Variants in DDAH1 observed in about 807,000 individuals in gnomAD.
DDAH1 encodes dimethylarginine dimethylaminohydrolase 1.
A neutral mutation model predicts 28.8 loss-of-function variants in DDAH1; 19 were observed. The ratio of observed to expected loss-of-function variants is 0.66; its 90% CI spans 0.46 to 0.97. The LOEUF (loss-of-function observed/expected upper bound fraction) is 0.97, where lower values mean the gene tolerates loss of function less well. Among genes scored for constraint, DDAH1 ranks in the 50% least tolerant of loss-of-function variants. The pLI, the probability that DDAH1 is intolerant of heterozygous loss-of-function variation, is 0.00. For missense variants in DDAH1, 326 were observed against 375.9 expected (o/e 0.87, Z 1.10); for synonymous variants, 153 against 154.4 (o/e 0.99, Z 0.07).
intron 1 of DDAH1, among the ~76,000 whole-genome samples, chr1:85,503,318 C>T (rs1473691903): frequency 1.3e-5 from 2 of 152,136 alleles, no homozygotes; most frequent in Admixed American, 6.6e-5. Flanking sequence ...GATGCTCCTG[C>T]CTCAGCTTCC....
chr1:85,393,621 A>C (rs1651667842), intron 1 of DDAH1, among the ~76,000 whole-genome samples: 1 of 152,242 alleles, frequency 6.6e-6, no homozygotes, highest in Non-Finnish European at 1.5e-5. Flanking sequence ...AAATTTTTAC[A>C]GTGAGAAAGA....
intron 1 of DDAH1, among the ~76,000 whole-genome samples, chr1:85,408,833 G>A (rs777069268): frequency 3.3e-5 from 5 of 152,198 alleles, no homozygotes; most frequent in Admixed American, 6.5e-5. Context: ...AATCCAAGTA[G>A]TAAGACGAAT....
At chr1:85,448,469 C>G (rs907395932) in intron 1 of DDAH1, among the ~76,000 whole-genome samples, 2 of 152,146 alleles carry the variant, frequency 1.3e-5, no homozygotes, top group Admixed American at 1.3e-4. Flanking sequence ...TGTACCACCC[C>G]CCTTTGTTTA....
intron 2 of DDAH1, among the ~76,000 whole-genome samples, chr1:85,354,316 A>T (rs1649376943): frequency 6.6e-6 from 1 of 152,024 alleles, no homozygotes; most frequent in African/African-American, 2.4e-5. Flanking sequence ...AGGCAGTTTC[A>T]TGTAGATGGT....
At chr1:85,524,506 T>G (rs1480107716) in intron 1 of DDAH1, among the ~76,000 whole-genome samples, 1 of 151,822 alleles carries the variant, frequency 6.6e-6, no homozygotes, top group African/African-American at 2.4e-5. Context: ...AAAATGGGAT[T>G]GTTTCTACTG....
chr1:85,336,249 C>A (rs1648111383), intron 4 of DDAH1, among the ~76,000 whole-genome samples: 1 of 151,924 alleles, frequency 6.6e-6, no homozygotes, highest in Admixed American at 6.6e-5. Flanking sequence ...ATATTAGGCC[C>A]CAAACAAGTA....
At chr1:85,511,414 G>A (rs1020328444) in intron 1 of DDAH1, among the ~76,000 whole-genome samples, 4 of 152,074 alleles carry the variant, frequency 2.6e-5, no homozygotes, top group Non-Finnish European at 4.4e-5. Flanking sequence ...ATCTAAAATC[G>A]ACATCATAAC....
intron 1 of DDAH1, among the ~76,000 whole-genome samples, chr1:85,460,344 C>T (rs957741382): frequency 6.6e-6 from 1 of 152,188 alleles, no homozygotes; most frequent in Non-Finnish European, 1.5e-5. Flanking sequence ...CCCATTCCCC[C>T]ATTTGATGCC....
chr1:85,570,395 C>CACA (rs1018150712), intron 1 of DDAH1, among the ~76,000 whole-genome samples: 1 of 150,592 alleles, frequency 6.6e-6, no homozygotes, highest in East Asian at 2.0e-4. Context: ...CACACACACA[C>CACA]ATCTCAGTGC....
intron 2 of DDAH1, among the ~76,000 whole-genome samples, chr1:85,357,026 G>C (rs1419456349): frequency 6.6e-6 from 1 of 152,212 alleles, no homozygotes; most frequent in Non-Finnish European, 1.5e-5. Context: ...ATATTGTAAG[G>C]AAGTGTGATT....
intron 1 of DDAH1, among the ~76,000 whole-genome samples, chr1:85,511,251 C>G (rs987325172): frequency 6.6e-6 from 1 of 152,158 alleles, no homozygotes; most frequent in Admixed American, 6.5e-5. Flanking sequence ...TGAATGACTA[C>G]TGGGTAAATA....
In DDAH1 at chr1:85,464,913, G is replaced by A; in HGVS notation, c.133C>T (p.Arg45Trp). 6.4e-7 allele frequency: 1 copy of A among 1,559,138 alleles called. No homozygotes were observed. Among genetic ancestry groups the A allele is most frequent in the Non-Finnish European group, 8.6e-7 (1 of 1,163,616 alleles). ...GEEVDVARAE[R>W]QHQLYVGVLG... ...ACGCCCACGTAGAGCTGGTGCTGCC[G>A]TTCCGCGCGGGCGACGTCCACCTCC... The change falls in exon 1 of 6, where the codon CGG (arginine) becomes TGG (tryptophan). Residue 45 changes from arginine to tryptophan, a missense_variant. Arg to Trp is a moderately radical substitution (Grantham distance 101). Coordinates refer to ENST00000284031, the MANE Select transcript of DDAH1 (RefSeq NM_012137.4). This position sits in a 1 kb window ranked among gnomAD's most constrained non-coding sequence, Gnocchi z 4.4.
chr1:85,435,831 C>T (rs1260951574), intron 1 of DDAH1, among the ~76,000 whole-genome samples: 7 of 152,066 alleles, frequency 4.6e-5, no homozygotes, highest in East Asian at 1.9e-4. Flanking sequence ...CTCTCTGTTG[C>T]CCAGGTTGGA....
At chr1:85,469,229 T>C (rs1387669419), upstream of DDAH1, among the ~76,000 whole-genome samples, 1 of 152,222 alleles carries the variant, frequency 6.6e-6, no homozygotes, top group Admixed American at 6.5e-5. Context: ...AGCTGGTGTC[T>C]GCCTCCAGAG....
At chr1:85,499,263 A>G (rs2100737078) in intron 1 of DDAH1, among the ~76,000 whole-genome samples, 1 of 152,328 alleles carries the variant, frequency 6.6e-6, no homozygotes, top group South Asian at 2.1e-4. Context: ...TTACTATACC[A>G]CAATAACTTT....
At position 85,471,147 on chromosome 1, in the gene DDAH1, C is replaced by A. The variant is rs556438792; in HGVS notation, c.-7+25019G>T. ...GGGACAGAGATTGGGGTATTTATTT[C>A]TCTGGCTCCCTTCCTGCTTTTTCAT... On this transcript the variant is annotated intron_variant, in intron 2 of 6. Coordinates refer to the DDAH1 transcript ENST00000426972. Among the ~76,000 whole-genome samples the A allele has an allele frequency of 5.3e-5, 8 of 152,324 alleles. No homozygotes were observed. The South Asian group carries it at 1.7e-3, about 32-fold the overall frequency.
At chr1:85,519,952 G>A (rs370699919) in intron 1 of DDAH1, among the ~76,000 whole-genome samples, 1 of 149,332 alleles carries the variant, frequency 6.7e-6, no homozygotes, top group Non-Finnish European at 1.5e-5. Context: ...TATTTGTAAT[G>A]TTTCATTCTT....
intron 1 of DDAH1, among the ~76,000 whole-genome samples, chr1:85,525,453 T>C (rs377500820): frequency 0.036 from 5,526 of 152,124 alleles, 159 homozygotes; most frequent in South Asian, 0.1. Flanking sequence ...TCTTTGAAGA[T>C]TATGGGAACA....
intron 1 of DDAH1, among the ~76,000 whole-genome samples, chr1:85,574,778 G>A (rs1659550937): frequency 1.3e-5 from 2 of 152,152 alleles, no homozygotes; most frequent in Non-Finnish European, 2.9e-5. Flanking sequence ...AGGCGCTATG[G>A]CTCATGCCTG....
Sources: allele counts gnomAD v4.1 joint callset (sites outside exome capture counted in the v4.1 genomes callset), GRCh38; gene constraint gnomAD v4.1.1; non-coding constraint Gnocchi (gnomAD v3.1); transcripts MANE v1.5; gene names NCBI Gene and HGNC (gene_info 2026-07-23, HGNC 2026-07-21).